The following NKAIN2 variants were observed in gnomAD, a reference collection of about 807,000 sequenced individuals.
NKAIN2 encodes the protein sodium/potassium-transporting ATPase subunit beta-1-interacting protein 2.
Under a neutral mutation model 32.6 loss-of-function variants are expected in NKAIN2, and 14 were observed. The ratio of observed to expected loss-of-function variants is 0.43; its 90% CI spans 0.28 to 0.67. NKAIN2 has a LOEUF of 0.67. Among genes scored for constraint, NKAIN2 ranks in the 30% least tolerant of loss-of-function variants. The pLI is 0.17. For missense variants in NKAIN2, 198 were observed against 258.3 expected, an observed-to-expected ratio of 0.77 and a Z score of 1.60; for synonymous variants, 80 against 87.2, an observed-to-expected ratio of 0.92 and a Z score of 0.46.
intron 1 of NKAIN2, among the ~76,000 whole-genome samples, chr6:124,151,415 A>C (rs915037827): frequency 6.6e-6 from 1 of 151,990 alleles, no homozygotes; most frequent in African/African-American, 2.4e-5. Flanking sequence ...TTCCATGTAT[A>C]TGGACTCTTG....
intron 3 of NKAIN2, among the ~76,000 whole-genome samples, chr6:124,563,883 T>TATC (rs1318044638): frequency 2.0e-5 from 3 of 151,044 alleles, no homozygotes; most frequent in African/African-American, 4.9e-5. Flanking sequence ...GGACAGGGTG[T>TATC]ATCATCACAT....
chr6:124,022,313 G>T (rs1227117412), intron 1 of NKAIN2, among the ~76,000 whole-genome samples: 4 of 152,104 alleles, frequency 2.6e-5, no homozygotes, highest in Non-Finnish European at 5.9e-5. Flanking sequence ...ATTTGGGTTG[G>T]TTCCAAGTCT....
chr6:123,912,256 A>G (rs546006514), intron 1 of NKAIN2, among the ~76,000 whole-genome samples: 1 of 152,162 alleles, frequency 6.6e-6, no homozygotes, highest in East Asian at 1.9e-4. Context: ...GTAACATGTA[A>G]TATTATCATG....
chr6:124,486,125 C>A (rs984632373), intron 3 of NKAIN2, among the ~76,000 whole-genome samples: 1 of 152,072 alleles, frequency 6.6e-6, no homozygotes, highest in Non-Finnish European at 1.5e-5. Context: ...TAAACTAATA[C>A]GAGAGTATAG....
chr6:124,701,153 G>GCACACAGACACACA (rs1774766498), intron 4 of NKAIN2, among the ~76,000 whole-genome samples: 1 of 132,030 alleles, frequency 7.6e-6, no homozygotes, highest in African/African-American at 2.7e-5. Flanking sequence ...ACACACACAC[G>GCACACAGACACACA]CACACACACA....
intron 4 of NKAIN2, among the ~76,000 whole-genome samples, chr6:124,748,699 C>G (rs1425588364): frequency 6.6e-6 from 1 of 151,886 alleles, no homozygotes; most frequent in African/African-American, 2.4e-5. Context: ...ATTCAGAGCA[C>G]TAAAGACACT....
chr6:124,201,058 A>T (rs1329177308), intron 1 of NKAIN2, among the ~76,000 whole-genome samples: 1 of 152,062 alleles, frequency 6.6e-6, no homozygotes, highest in African/African-American at 2.4e-5. Flanking sequence ...TTTTAAATTA[A>T]TACATAGACT....
intron 1 of NKAIN2, among the ~76,000 whole-genome samples, chr6:124,032,091 G>A (rs775222480): frequency 2.0e-5 from 3 of 151,874 alleles, no homozygotes; most frequent in East Asian, 1.9e-4. Context: ...GCCATGAAAG[G>A]GATGAGTTCA....
intron 3 of NKAIN2, among the ~76,000 whole-genome samples, chr6:124,621,732 C>T (rs1562288908): frequency 6.6e-6 from 1 of 152,078 alleles, no homozygotes; most frequent in Non-Finnish European, 1.5e-5. Context: ...TGTTTCTCTC[C>T]CAATAGAGAA....
intron 3 of NKAIN2, among the ~76,000 whole-genome samples, chr6:124,534,958 T>C (rs1268334502): frequency 6.6e-6 from 1 of 152,222 alleles, no homozygotes; most frequent in Non-Finnish European, 1.5e-5. Context: ...AGTATTTGCG[T>C]ATAACCTTCA....
intron 4 of NKAIN2, among the ~76,000 whole-genome samples, chr6:124,731,147 G>A (rs1380989845): frequency 1.8e-5 from 2 of 113,488 alleles, no homozygotes; most frequent in Non-Finnish European, 3.6e-5. Flanking sequence ...GTGGAAGTCA[G>A]TGTGGCCATT....
At chr6:124,178,144 A>G (rs1789252839) in intron 1 of NKAIN2, among the ~76,000 whole-genome samples, 1 of 152,142 alleles carries the variant, frequency 6.6e-6, no homozygotes, top group Admixed American at 6.5e-5. Context: ...AAGAAACAGG[A>G]AGAAGAGGGC....
chr6:124,157,129 G>A lies in NKAIN2; in HGVS notation c.55-125876G>A, dbSNP rs868473194. On this transcript the variant is annotated intron_variant, in intron 1 of 6. Transcript: ENST00000368417. The stretch of plus-strand genomic sequence containing the variant: ...AAAAAAAAAAAAAAAAAAAAAAAAA[G>A]GTGACCTAACCAAAGCAGTAACAGA... Among the ~76,000 whole-genome samples, 111 of 58,582 alleles carry A rather than the reference G, an allele frequency of 1.9e-3. 1 individual carries two copies. In the Middle Eastern group the frequency reaches 0.043, roughly 22 times the overall value. The allele number at this position is 58,582 out of a possible 152,430, so 38.4% of individuals were successfully genotyped here. A position where few individuals can be genotyped will look rare whatever the true frequency, so the allele number is the denominator to read the frequency against.
intron 3 of NKAIN2, among the ~76,000 whole-genome samples, chr6:124,638,650 C>T (rs1221267329): frequency 1.3e-5 from 2 of 152,110 alleles, no homozygotes; most frequent in East Asian, 1.9e-4. Flanking sequence ...AATCTCAGCA[C>T]TTTGAGAGCC....
rs554362941 is a variant in NKAIN2 at position 124,185,212 on chromosome 6, ATAT to A, written c.55-97786_55-97784del. Among the ~76,000 whole-genome samples the A allele has an allele frequency of 1.2e-3, 180 of 152,140 alleles. 1 individual carries two copies. Among genetic ancestry groups the A allele is most frequent in the Non-Finnish European group, 3.5e-4 (24 of 68,016 alleles). The stretch of plus-strand genomic sequence containing the variant: ...CTTTCATATTATGAAACTTTCAGAT[ATAT>A]TATTATCGTACAGTAGTTTTGTGCA... On this transcript the variant is annotated intron_variant, in intron 1 of 6. Coordinates refer to ENST00000368417, the MANE Select transcript of NKAIN2 (RefSeq NM_001040214.3).
intron 5 of NKAIN2, among the ~76,000 whole-genome samples, chr6:124,799,490 T>A (rs899455751): frequency 1.3e-5 from 2 of 152,162 alleles, no homozygotes; most frequent in Non-Finnish European, 2.9e-5. Context: ...CATACTATGT[T>A]CATCGTTAAA....
At chr6:124,034,934 T>A (rs1367696682) in intron 1 of NKAIN2, among the ~76,000 whole-genome samples, 1 of 151,886 alleles carries the variant, frequency 6.6e-6, no homozygotes, top group Admixed American at 6.6e-5. Flanking sequence ...TTTGTTACCC[T>A]TTTTTCTAAC....
intron 3 of NKAIN2, among the ~76,000 whole-genome samples, chr6:124,566,073 A>G (rs12234116): frequency 0.062 from 9,460 of 152,224 alleles, 404 homozygotes; most frequent in East Asian, 0.23. Flanking sequence ...CACTGGAAAG[A>G]GATTTGCACC....
intron 3 of NKAIN2, among the ~76,000 whole-genome samples, chr6:124,455,120 C>G (rs932864317): frequency 3.3e-5 from 5 of 152,062 alleles, no homozygotes; most frequent in African/African-American, 1.2e-4. Context: ...AACTTTACCC[C>G]TTCAGGTTAC....
Sources: allele counts gnomAD v4.1 joint callset (sites outside exome capture counted in the v4.1 genomes callset), GRCh38; gene constraint gnomAD v4.1.1; transcripts MANE v1.5; gene names NCBI Gene and HGNC (gene_info 2026-07-23, HGNC 2026-07-21).